Variants in ABCG2 observed in about 807,000 individuals in gnomAD.
The protein encoded by ABCG2 is ATP binding cassette subfamily G member 2 (JR blood group).
A neutral mutation model predicts 73.5 loss-of-function variants in ABCG2; 80 were observed. The observed-to-expected ratio is 1.09, with a 90% CI of 0.91 to 1.31. The LOEUF is 1.31. ABCG2 is among the 50% of genes most tolerant of loss of function. The probability of loss-of-function intolerance (pLI) is 0.00; values close to 1 mark genes in which losing one functional copy is unlikely to be tolerated. For synonymous variants in ABCG2, 269 were observed against 282.4 expected (o/e 0.95, Z 0.48); for missense variants, 796 against 786.2 (o/e 1.01, Z -0.15).
chr4:88,181,643 G>A (rs1728258336), intron 1 of ABCG2, among the ~76,000 whole-genome samples: 1 of 151,944 alleles, frequency 6.6e-6, no homozygotes, highest in African/African-American at 2.4e-5. Flanking sequence ...AGGTAAGAAG[G>A]TCACTTCAGC....
intron 3 of ABCG2, 145 bp downstream of exon 3, chr4:88,132,431 C>A: frequency 1.3e-6 from 1 of 794,832 alleles, no homozygotes; most frequent in Non-Finnish European, 2.0e-6. Flanking sequence ...AACCACGCAA[C>A]TACAGTTATC....
chr4:88,175,697 C>T (rs1042131171), intron 1 of ABCG2, among the ~76,000 whole-genome samples: 1 of 152,178 alleles, frequency 6.6e-6, no homozygotes, highest in Non-Finnish European at 1.5e-5. Context: ...GTGAAAGGCC[C>T]TTCAAATTGC....
rs533673943 is a variant in ABCG2, at chr4:88,105,491, G to A, written c.1277+1693C>T. On this transcript the variant is annotated intron_variant, in intron 10 of 15. Transcript: ENST00000237612. Reference sequence around the variant, plus strand: ...CTTATGTTCAGAACACAATACAGTCGATAAAAAGTCCCCTCATAAAATGAG... The same window carrying A: ...CTTATGTTCAGAACACAATACAGTCAATAAAAAGTCCCCTCATAAAATGAG... Among the ~76,000 whole-genome samples, 6 of 152,220 alleles carry A rather than the reference G, an allele frequency of 3.9e-5. No individual in the cohort carries two copies. The East Asian group carries it at 9.6e-4, about 24-fold the overall frequency.
At chr4:88,219,475 A>G (rs1483856577) in intron 1 of ABCG2, among the ~76,000 whole-genome samples, 1 of 152,146 alleles carries the variant, frequency 6.6e-6, no homozygotes, top group Non-Finnish European at 1.5e-5. Flanking sequence ...CAGAAAAGTG[A>G]AGAATAAGTA....
intron 1 of ABCG2, among the ~76,000 whole-genome samples, chr4:88,150,370 A>G (rs568778794): frequency 6.6e-6 from 1 of 152,300 alleles, no homozygotes; most frequent in Non-Finnish European, 1.5e-5. Flanking sequence ...CTGGAGGAGC[A>G]GTATATGTCC....
intron 1 of ABCG2, among the ~76,000 whole-genome samples, chr4:88,201,118 CTG>C (rs1729144318): frequency 7.1e-6 from 1 of 141,210 alleles, no homozygotes; most frequent in South Asian, 2.2e-4. Flanking sequence ...AAACATGAAA[CTG>C]AAAATCAATA....
At chr4:88,110,107 A>G (rs190658720) in intron 9 of ABCG2, among the ~76,000 whole-genome samples, 1 of 152,126 alleles carries the variant, frequency 6.6e-6, no homozygotes, top group East Asian at 1.9e-4. Flanking sequence ...GCACCACCAC[A>G]CTTAGCTCAT....
intron 1 of ABCG2, among the ~76,000 whole-genome samples, chr4:88,143,593 C>G (rs1725782871): frequency 6.6e-6 from 1 of 152,088 alleles, no homozygotes; most frequent in Admixed American, 6.6e-5. Flanking sequence ...TTAGAAGTGC[C>G]TGCAGAGAAA....
At chr4:88,171,274 T>TAAAA (rs11331423) in intron 1 of ABCG2, among the ~76,000 whole-genome samples, 1 of 129,428 alleles carries the variant, frequency 7.7e-6, no homozygotes, top group Non-Finnish European at 1.6e-5. Context: ...AAGTAAAAGT[T>TAAAA]AAAAAAAAAA....
At chr4:88,228,717 A>C (rs1730323928) in intron 1 of ABCG2, among the ~76,000 whole-genome samples, 2 of 152,184 alleles carry the variant, frequency 1.3e-5, no homozygotes, top group Non-Finnish European at 2.9e-5. Context: ...GAGGATTGTA[A>C]ACGCACCAAT....
intron 9 of ABCG2, among the ~76,000 whole-genome samples, chr4:88,107,885 T>G (rs1009705704): frequency 1.3e-5 from 2 of 152,160 alleles, no homozygotes; most frequent in African/African-American, 2.4e-5. Flanking sequence ...ACTGGAAAAG[T>G]GCATTGTCAC....
At chr4:88,104,720 C>G in intron 10 of ABCG2, among the ~76,000 whole-genome samples, 1 of 151,706 alleles carries the variant, frequency 6.6e-6, no homozygotes, top group East Asian at 1.9e-4. Flanking sequence ...CCCAGGAGTT[C>G]AAAGCTGCAG....
intron 1 of ABCG2, among the ~76,000 whole-genome samples, chr4:88,174,146 G>T (rs1346250169): frequency 3.3e-5 from 5 of 151,372 alleles, no homozygotes; most frequent in Non-Finnish European, 5.9e-5. Flanking sequence ...AACCTGACTG[G>T]TGTTTTTTTT....
chr4:88,096,235 G>C (rs1721975555), intron 13 of ABCG2, among the ~76,000 whole-genome samples: 1 of 152,188 alleles, frequency 6.6e-6, no homozygotes, highest in Admixed American at 6.5e-5. Context: ...TAGCGCAATG[G>C]AGATGCCAGG....
chr4:88,138,535 T>C (rs543925141), intron 2 of ABCG2, among the ~76,000 whole-genome samples: 1 of 152,224 alleles, frequency 6.6e-6, no homozygotes, highest in Admixed American at 6.5e-5. Context: ...ACTATCTGAA[T>C]GGTGATGCTG....
chr4:88,182,231 T>C (rs1230141221), intron 1 of ABCG2, among the ~76,000 whole-genome samples: 2 of 152,114 alleles, frequency 1.3e-5, no homozygotes, highest in East Asian at 1.9e-4. Context: ...TACCCAACAC[T>C]GCAGCACCCA....
Position 88,115,086 on chromosome 4 carries a change from A to G in ABCG2, c.842-28T>C, listed in dbSNP as rs34347380. 10 of 1,492,388 alleles carry G rather than the reference A, an allele frequency of 6.7e-6. No homozygotes were observed. In the Admixed American group the frequency reaches 1.5e-4, roughly 23 times the overall value. 92.4% of individuals were successfully genotyped at this position (1,492,388 alleles called of 1,614,324 possible). A position where few individuals can be genotyped will look rare whatever the true frequency, so the allele number is the denominator to read the frequency against. On this transcript the variant is annotated intron_variant, in intron 7 of 15. Coordinates refer to ENST00000237612, the MANE Select transcript of ABCG2 (RefSeq NM_004827.3). ...ATGAAAGAAGGCAGCTCAAAAACAC[A>G]AACTTGATGGTCTTGGAAAACAAAG...
intron 1 of ABCG2, among the ~76,000 whole-genome samples, chr4:88,219,689 C>T (rs1259141192): frequency 2.1e-5 from 3 of 146,212 alleles, no homozygotes; most frequent in Non-Finnish European, 4.5e-5. Flanking sequence ...TCACGCCATT[C>T]TCCTGTCTCA....
intron 1 of ABCG2, among the ~76,000 whole-genome samples, chr4:88,146,810 G>A (rs1165278322): frequency 6.6e-6 from 1 of 151,768 alleles, no homozygotes; most frequent in Non-Finnish European, 1.5e-5. Flanking sequence ...GACGGAGGCT[G>A]CAGTGAATCG....
Sources: allele counts gnomAD v4.1 joint callset (sites outside exome capture counted in the v4.1 genomes callset), GRCh38; gene constraint gnomAD v4.1.1; transcripts MANE v1.5; gene names NCBI Gene and HGNC (gene_info 2026-07-23, HGNC 2026-07-21).